Variants in FNDC1 observed in about 807,000 individuals in gnomAD.
FNDC1 encodes fibronectin type III domain containing 1.
FNDC1 carries 96 observed loss-of-function variants against 168.0 expected under a neutral mutation model. The ratio of observed to expected loss-of-function variants is 0.57; its 90% confidence interval spans 0.48 to 0.68. The LOEUF (loss-of-function observed/expected upper bound fraction) is 0.68. Ranked by LOEUF, FNDC1 falls within the 30% of genes least tolerant of loss-of-function variation. The pLI, the probability that FNDC1 is intolerant of heterozygous loss-of-function variation, is 0.00. For synonymous variants in FNDC1, 1,099 were observed against 1,025.9 expected (o/e 1.07, Z -1.36); for missense variants, 2,587 against 2,482.1 (o/e 1.04, Z -0.90).
chr6:159,173,225 C>T lies in FNDC1; in HGVS notation c.109+3520C>T, dbSNP rs118055159. Among the ~76,000 whole-genome samples, 855 of 152,144 alleles carry T rather than the reference C, an allele frequency of 5.6e-3. 3 individuals are homozygous for T. Among genetic ancestry groups the T allele is most frequent in the Middle Eastern group, 0.01 (3 of 294 alleles). On this transcript the variant is annotated intron_variant, in intron 1 of 22. Transcript: ENST00000297267. ...GGGAAGTAGGTTAAAAATCAGGATG[C>T]CTGGGTGTGAGTGGCAGTGCTGTCC...
chr6:159,222,674 A>C, intron 6 of FNDC1, among the ~76,000 whole-genome samples: 1 of 152,256 alleles, frequency 6.6e-6, no homozygotes, highest in Non-Finnish European at 1.5e-5. Flanking sequence ...CTTCTAGTTC[A>C]TATCTGAACA....
chr6:159,203,090 C>T (rs1440804216), intron 4 of FNDC1, among the ~76,000 whole-genome samples: 1 of 152,124 alleles, frequency 6.6e-6, no homozygotes, highest in Non-Finnish European at 1.5e-5. Flanking sequence ...GTCCACATTT[C>T]CTTTTTATAA....
chr6:159,210,075 C>A (rs1211641141), intron 4 of FNDC1, among the ~76,000 whole-genome samples: 2 of 152,192 alleles, frequency 1.3e-5, no homozygotes, highest in Non-Finnish European at 2.9e-5. Flanking sequence ...CAGTCGGGTC[C>A]TTGGGAACTG....
chr6:159,225,801 C>A, intron 8 of FNDC1, 79 bp downstream of exon 8: 5 of 1,303,060 alleles, frequency 3.8e-6, no homozygotes, highest in East Asian at 2.4e-5. Context: ...TGTAAGATGC[C>A]AATAGTGACA....
Position 159,231,941 on chromosome 6 carries a change from C to T in FNDC1, c.1429C>T (p.Pro477Ser). The T allele has an allele frequency of 6.2e-7, 1 of 1,613,678 alleles. No homozygotes were observed. Among genetic ancestry groups the T allele is most frequent in the South Asian group, 1.1e-5 (1 of 90,990 alleles). Residue 477 changes from proline to serine, a missense_variant, in exon 11 of 23, where the codon CCT becomes TCT. Transcript: ENST00000297267. ...CAATGGGAAACCCGAAAAACCTGAG[C>T]CTTCCTCACCTTCTCCCAGAGCTCC... ...EDNGKPEKPE[P>S]SSPSPRAPAS... is the part of the protein sequence containing the mutation.
At chr6:159,268,861 T>TATCTATCC (rs1777648857) in intron 22 of FNDC1, among the ~76,000 whole-genome samples, 1 of 146,356 alleles carries the variant, frequency 6.8e-6, no homozygotes, top group Non-Finnish European at 1.5e-5. Flanking sequence ...TCTATCTATC[T>TATCTATCC]ATCCATACTG....
At chr6:159,269,555 C>A (rs193075485) in intron 22 of FNDC1, among the ~76,000 whole-genome samples, 17 of 149,370 alleles carry the variant, frequency 1.1e-4, no homozygotes, top group African/African-American at 4.2e-4. Flanking sequence ...TCCATCCATC[C>A]ATCCATCCAT....
chr6:159,184,693 G>A (rs1781956123), intron 1 of FNDC1, among the ~76,000 whole-genome samples: 1 of 152,154 alleles, frequency 6.6e-6, no homozygotes, highest in Non-Finnish European at 1.5e-5. Flanking sequence ...AACATAGTTA[G>A]ACAATGACTT....
intron 14 of FNDC1, among the ~76,000 whole-genome samples, chr6:159,241,498 C>T: frequency 6.6e-6 from 1 of 152,172 alleles, no homozygotes; most frequent in East Asian, 1.9e-4. Flanking sequence ...GTCCAGTCTC[C>T]TGATTCCCTA....
At chr6:159,196,394 G>A (rs779828962) in intron 1 of FNDC1, among the ~76,000 whole-genome samples, 3 of 152,288 alleles carry the variant, frequency 2.0e-5, no homozygotes, top group Non-Finnish European at 4.4e-5. Flanking sequence ...AATTTTGGGA[G>A]GAGTGATGTG....
rs1413596338 is a variant in FNDC1 at position 159,197,516 on chromosome 6, T to C, written c.195T>C (p.Ala65=). 4.3e-6 allele frequency: 7 copies of C among 1,614,030 alleles called. No homozygotes were observed. The highest frequency in any genetic ancestry group is 5.9e-6 in the Non-Finnish European group (7 of 1,179,872). Residue 65 remains alanine (A), a synonymous_variant, in exon 2 of 23, where the codon GCT becomes GCC. Coordinates refer to ENST00000297267, the MANE Select transcript of FNDC1 (RefSeq NM_032532.3). ...TCACGTGGGACCCACCCAAAGATGC[T>C]ACCAGTAGACCTGTGGAGCATTACA... The part of the protein sequence containing the change: ...LKVTWDPPKD[A]TSRPVEHYNI...
chr6:159,269,156 C>CTATGTATG (rs376690309), intron 22 of FNDC1, among the ~76,000 whole-genome samples: 14,194 of 142,564 alleles, frequency 0.1, 763 homozygotes, highest in South Asian at 0.11. Flanking sequence ...ATCCATCTGT[C>CTATGTATG]TATGTATGTA....
At chr6:159,186,165 C>T (rs1781994379) in intron 1 of FNDC1, among the ~76,000 whole-genome samples, 1 of 151,992 alleles carries the variant, frequency 6.6e-6, no homozygotes, top group African/African-American at 2.4e-5. Flanking sequence ...TTTTACTGTT[C>T]CATTTTTGTA....
At chr6:159,222,984 ATT>A (rs201310702) in intron 6 of FNDC1, among the ~76,000 whole-genome samples, 209 of 116,662 alleles carry the variant, frequency 1.8e-3, no homozygotes, top group Non-Finnish European at 2.5e-3. Flanking sequence ...TGAAATACTC[ATT>A]TTTTTTTTTT....
At chr6:159,173,993 G>A (rs1048169297) in intron 1 of FNDC1, among the ~76,000 whole-genome samples, 3 of 152,150 alleles carry the variant, frequency 2.0e-5, no homozygotes, top group African/African-American at 7.2e-5. Flanking sequence ...GGCTGATTAA[G>A]GAGCAGACCT....
chr6:159,259,507 G>A (rs926597854), intron 18 of FNDC1, among the ~76,000 whole-genome samples: 11 of 152,164 alleles, frequency 7.2e-5, no homozygotes, highest in African/African-American at 2.7e-4. Flanking sequence ...ATGGCATAGA[G>A]GCACTTCCCT....
At chr6:159,205,143 G>T (rs1782461482) in intron 4 of FNDC1, among the ~76,000 whole-genome samples, 1 of 152,196 alleles carries the variant, frequency 6.6e-6, no homozygotes, top group African/African-American at 2.4e-5. Context: ...CCCTCCCAGT[G>T]CCTGGTTCAG....
chr6:159,266,241 G>A lies in FNDC1; in HGVS notation c.5442G>A (p.Leu1814=), dbSNP rs1777590920. 5 of 1,613,770 alleles carry A rather than the reference G, an allele frequency of 3.1e-6. No homozygotes were observed. Among genetic ancestry groups the A allele is most frequent in the African/African-American group, 1.3e-5 (1 of 74,922 alleles). Residue 1814 remains leucine (L), a synonymous_variant, in exon 21 of 23, where the codon CTG becomes CTA. Coordinates refer to ENST00000297267, the MANE Select transcript of FNDC1 (RefSeq NM_032532.3). ...LRYKIYLSDN[L]KDTFYSIGDS... is the part of the protein sequence containing the mutation. ...ATAAAATCTACCTCAGTGACAACCT[G>A]AAAGGTAAGTCTTTGTGCATGGTTG...
At chr6:159,269,984 G>A (rs1359787757) in intron 22 of FNDC1, among the ~76,000 whole-genome samples, 3 of 152,170 alleles carry the variant, frequency 2.0e-5, no homozygotes, top group Non-Finnish European at 4.4e-5. Context: ...GAGCCCAGGA[G>A]TTTGAGACCA....
Sources: gnomAD v4.1 joint callset for allele counts (sites outside exome capture counted in the v4.1 genomes callset) on GRCh38, gnomAD v4.1.1 for gene constraint, MANE v1.5 for transcripts, NCBI Gene and HGNC (gene_info 2026-07-23, HGNC 2026-07-21) for gene names.